NDUFC1: variants seen among roughly 807,000 people sequenced by gnomAD.
The protein encoded by NDUFC1 is NADH:ubiquinone oxidoreductase subunit C1, also known as NADH dehydrogenase [ubiquinone] 1 subunit C1, mitochondrial.
A neutral mutation model predicts 11.6 loss-of-function variants in NDUFC1; 11 were observed. The observed-to-expected ratio is 0.95, with a 90% CI of 0.60 to 1.58. The LOEUF is 1.58. NDUFC1 is among the 40% of genes most tolerant of loss of function. The probability of loss-of-function intolerance (pLI) is 0.00; values close to 1 mark genes in which losing one functional copy is unlikely to be tolerated. For synonymous variants in NDUFC1, 52 were observed against 42.2 expected (o/e 1.23, Z -0.90); for missense variants, 112 against 93.0 (o/e 1.20, Z -0.84).
intron 4 of NDUFC1, among the ~76,000 whole-genome samples, chr4:139,294,107 A>G (rs1579061343): frequency 6.6e-6 from 1 of 151,778 alleles, no homozygotes; most frequent in Non-Finnish European, 1.5e-5. Flanking sequence ...ACACCTGGCT[A>G]ATTTTTTTTG....
At position 139,301,212 on chromosome 4, in the gene NDUFC1, C is replaced by A. The variant is rs141302438; in HGVS notation, c.-222+1204G>T. The A allele has an allele frequency of 8.4e-3, 2,141 of 255,178 alleles. 13 individuals are homozygous for A. The highest frequency in any genetic ancestry group is 0.01 in the Non-Finnish European group (1,395 of 134,566). The allele number at this position is 255,178 out of a possible 1,614,324, so 15.8% of individuals were successfully genotyped here. ...GATCACACAGTGTGCGAGACTCTTT[C>A]CAAGGAATGAAAGGTCGATCTAGCA... On this transcript the variant is annotated intron_variant, in intron 1 of 5. Coordinates refer to ENST00000394223, the MANE Select transcript of NDUFC1 (RefSeq NM_001184989.2).
intron 2 of NDUFC1, 148 bp from the exon 3 acceptor site, chr4:139,296,108 G>T: frequency 2.3e-6 from 1 of 426,938 alleles, no homozygotes; most frequent in Non-Finnish European, 4.1e-6. Flanking sequence ...AAAGAAAAGT[G>T]TCGTGCTGAA....
rs1291822454 is a variant in NDUFC1 at position 139,298,464 on chromosome 4, C to G, written c.-221-1021G>C. Among the ~76,000 whole-genome samples the G allele has an allele frequency of 2.8e-5, 4 of 142,784 alleles. No individual in the cohort carries two copies. The East Asian group carries it at 8.9e-4, about 32-fold the overall frequency. The allele number at this position is 142,784 out of a possible 152,430, so 93.7% of individuals were successfully genotyped here. On this transcript the variant is annotated intron_variant, in intron 1 of 5. Coordinates refer to ENST00000394223, the MANE Select transcript of NDUFC1 (RefSeq NM_001184989.2). Reference sequence around the variant, plus strand: ...AAAAAAAAAAAAAAAAAAAAAGATTCAGCAGCAGGCCGGGCGTTGGGGCTC... The same window carrying G: ...AAAAAAAAAAAAAAAAAAAAAGATTGAGCAGCAGGCCGGGCGTTGGGGCTC...
intron 2 of NDUFC1, among the ~76,000 whole-genome samples, chr4:139,297,020 GA>G (rs1339590711): frequency 1.3e-5 from 2 of 152,144 alleles, no homozygotes; most frequent in East Asian, 3.8e-4. Flanking sequence ...GCTAAATTGT[GA>G]GTCACTTTAG....
chr4:139,297,625 C>A (rs1474991494), intron 1 of NDUFC1, among the ~76,000 whole-genome samples, 182 bp from the exon 2 acceptor site: 6 of 151,910 alleles, frequency 3.9e-5, no homozygotes, highest in Non-Finnish European at 7.4e-5. Context: ...AGTTTCAGTC[C>A]AAGATTTTTC....
chr4:139,297,846 C>CT (rs1434930453), intron 1 of NDUFC1, among the ~76,000 whole-genome samples: 1 of 152,182 alleles, frequency 6.6e-6, no homozygotes, highest in Admixed American at 6.5e-5. Flanking sequence ...AATGGATTGC[C>CT]TGAGTCCAGG....
rs770909580 is a variant in NDUFC1 at position 139,295,161 on chromosome 4, G to A, written c.68-15C>T. 3.1e-6 allele frequency: 5 copies of A among 1,608,804 alleles called. No individual in the cohort carries two copies. The highest frequency in any genetic ancestry group is 2.2e-5 in the South Asian group (2 of 90,982). On this transcript the variant is annotated splice_polypyrimidine_tract_variant and intron_variant, in intron 3 of 5. Coordinates refer to ENST00000394223, the MANE Select transcript of NDUFC1 (RefSeq NM_001184989.2). ...TCGCACTGAAGCTGAAAGGGGAAGA[G>A]GGTCTGTAAATTTGTAACTTACTGC... is the stretch of plus-strand genomic sequence containing the variant.
chr4:139,290,592 G>A (rs1745170606), intron 5 of NDUFC1, among the ~76,000 whole-genome samples: 1 of 151,948 alleles, frequency 6.6e-6, no homozygotes, highest in Non-Finnish European at 1.5e-5. Context: ...TGATCGCTAT[G>A]TTTATTATAC....
At chr4:139,294,273 C>A (rs1005700280) in intron 4 of NDUFC1, among the ~76,000 whole-genome samples, 1 of 151,956 alleles carries the variant, frequency 6.6e-6, no homozygotes, top group African/African-American at 2.4e-5. Flanking sequence ...TCGCTACACA[C>A]TATGTACAAT....
chr4:139,291,302 C>A (rs1454103513), intron 5 of NDUFC1, among the ~76,000 whole-genome samples: 1 of 151,864 alleles, frequency 6.6e-6, no homozygotes, highest in Non-Finnish European at 1.5e-5. Context: ...TCTGGCCAGG[C>A]GCAGTGGCTC....
rs937291636 is a variant in NDUFC1, at chr4:139,298,553, A to C, written c.-221-1110T>G. Among the ~76,000 whole-genome samples, 3 of 152,130 alleles carry C rather than the reference A, an allele frequency of 2.0e-5. No homozygotes were observed. The South Asian group carries it at 6.2e-4, about 31-fold the overall frequency. ...TGGATTGCTTAAGCCCAGGAGTTCA[A>C]GAGTAGCCTGGGCAACATTGAGAAA... On this transcript the variant is annotated intron_variant, in intron 1 of 5. Coordinates refer to ENST00000394223, the MANE Select transcript of NDUFC1 (RefSeq NM_001184989.2).
chr4:139,294,574 A>G (rs181939504), intron 4 of NDUFC1, among the ~76,000 whole-genome samples: 83 of 151,924 alleles, frequency 5.5e-4, no homozygotes, highest in African/African-American at 1.6e-3. Context: ...GTCTCTACCA[A>G]CAATACAAAA....
Position 139,295,919 on chromosome 4 carries a change from A to G in NDUFC1, c.-121T>C. 1 of 1,002,712 alleles carries G rather than the reference A, an allele frequency of 1.0e-6. No individual in the cohort carries two copies. Among genetic ancestry groups the G allele is most frequent in the Non-Finnish European group, 1.5e-6 (1 of 685,270 alleles). The allele number at this position is 1,002,712 out of a possible 1,614,324, so 62.1% of individuals were successfully genotyped here. A position where few individuals can be genotyped will look rare whatever the true frequency, so the allele number is the denominator to read the frequency against. On this transcript the variant is annotated 5_prime_UTR_variant, in exon 3 of 6. Coordinates refer to ENST00000394223, the MANE Select transcript of NDUFC1 (RefSeq NM_001184989.2). ...CCGTGGGGGCGTCAACGTGAATTCCAGCACGGCAAGGTTCTCTAGCACCCC... is the reference window on the plus strand; with the variant it reads ...CCGTGGGGGCGTCAACGTGAATTCCGGCACGGCAAGGTTCTCTAGCACCCC...
intron 4 of NDUFC1, among the ~76,000 whole-genome samples, chr4:139,293,283 T>C (rs1447724661): frequency 3.3e-5 from 5 of 152,266 alleles, no homozygotes; most frequent in African/African-American, 9.6e-5. Context: ...CTTCTAATCT[T>C]AGAAGTAGGA....
In NDUFC1 at chr4:139,295,132, T is replaced by C; in HGVS notation, c.82A>G (p.Lys28Glu). 6.2e-7 allele frequency: 1 copy of C among 1,614,166 alleles called. No homozygotes were observed. The highest frequency in any genetic ancestry group is 1.1e-5 in the South Asian group (1 of 91,088). The change falls in exon 4 of 6, where the codon AAG becomes GAG. Residue 28 changes from lysine to glutamate, a missense_variant. Lys to Glu is a moderately conservative substitution (Grantham distance 56, BLOSUM62 1). Coordinates refer to ENST00000394223, the MANE Select transcript of NDUFC1 (RefSeq NM_001184989.2). ...RLPSGPSVRSKFYVREPPNAK... is the reference protein window; with the variant it reads ...RLPSGPSVRSEFYVREPPNAK... ...TTCGGCGGCTCTCGCACGTAGAACT[T>C]TGATCGCACTGAAGCTGAAAGGGGA... is the stretch of plus-strand genomic sequence containing the variant.
intron 4 of NDUFC1, among the ~76,000 whole-genome samples, chr4:139,294,447 A>T (rs934408819): frequency 2.0e-5 from 3 of 151,596 alleles, no homozygotes; most frequent in African/African-American, 7.3e-5. Flanking sequence ...ATAAAGTATA[A>T]TTACTATTGC....
intron 2 of NDUFC1, among the ~76,000 whole-genome samples, chr4:139,296,793 T>G (rs2110776800): frequency 6.6e-6 from 1 of 152,374 alleles, no homozygotes; most frequent in South Asian, 2.1e-4. Context: ...AAAATATTTA[T>G]AGGTAACAGA....
At chr4:139,300,827 T>C (rs1352713754) in intron 1 of NDUFC1, 1 of 152,262 alleles carries the variant, frequency 6.6e-6, no homozygotes, top group Non-Finnish European at 1.5e-5. Context: ...CCGTCAACTC[T>C]GCATTATATG....
chr4:139,292,334 A>AACCC (rs1745260367), intron 5 of NDUFC1, among the ~76,000 whole-genome samples, 196 bp downstream of exon 5: 3 of 147,436 alleles, frequency 2.0e-5, no homozygotes, highest in African/African-American at 7.7e-5. Context: ...AACAAAAAAA[A>AACCC]CCCCATCCCC....
Sources: gnomAD v4.1 joint callset for allele counts (sites outside exome capture counted in the v4.1 genomes callset) on GRCh38, gnomAD v4.1.1 for gene constraint, MANE v1.5 for transcripts, NCBI Gene and HGNC (gene_info 2026-07-23, HGNC 2026-07-21) for gene names.